The following BIRC6 variants were observed in gnomAD, a reference collection of about 807,000 sequenced individuals.
The protein encoded by BIRC6 is dual E2 ubiquitin-conjugating enzyme/E3 ubiquitin-protein ligase BIRC6.
A neutral mutation model predicts 503.3 loss-of-function variants in BIRC6; 98 were observed. The observed-to-expected ratio is 0.19, with a 90% CI of 0.17 to 0.23. The LOEUF (loss-of-function observed/expected upper bound fraction) is 0.23, where lower values mean the gene tolerates loss of function less well. Ranked by LOEUF, BIRC6 falls within the 10% of genes least tolerant of loss-of-function variation. BIRC6 has a pLI of 1.00. For missense variants in BIRC6, 5,360 were observed against 5,806.0 expected (o/e 0.92, Z 2.50); for synonymous variants, 2,240 against 2,078.7 (o/e 1.08, Z -2.11).
intron 47 of BIRC6, 122 bp from the exon 48 acceptor site, chr2:32,502,673 A>G (rs778829016): frequency 2.7e-5 from 17 of 626,010 alleles, no homozygotes; most frequent in Middle Eastern, 6.5e-4. Context: ...GACATTTTGT[A>G]TTTAGCGTAT....
chr2:32,479,141 C>T (rs2065954253), intron 36 of BIRC6, among the ~76,000 whole-genome samples: 1 of 152,116 alleles, frequency 6.6e-6, no homozygotes, highest in Non-Finnish European at 1.5e-5. Context: ...GCCTCATTTT[C>T]TTCATATATA....
rs375673484 is a variant in BIRC6 at position 32,477,508 on chromosome 2, A to G, written c.6993A>G (p.Val2331=). The change falls in exon 35 of 74, where the codon GTA becomes GTG. Residue 2331 remains valine, a synonymous_variant. Coordinates refer to ENST00000421745, the MANE Select transcript of BIRC6 (RefSeq NM_016252.4). ...TGGCCCATGAGCGTTGTATCTCAGT[A>G]GTCCAGAAACTTGTTCTGTTTCTTC... ...FTLAHERCIS[V]VQKLVLFLLS... The G allele has an allele frequency of 9.3e-6, 15 of 1,613,884 alleles. No homozygotes were observed. The South Asian group carries it at 1.4e-4, about 15-fold the overall frequency.
chr2:32,434,811 GACTGCACC>G (rs1443020043), intron 13 of BIRC6, among the ~76,000 whole-genome samples: 1 of 152,166 alleles, frequency 6.6e-6, no homozygotes, highest in Non-Finnish European at 1.5e-5. Flanking sequence ...AGTGAGCTAT[GACTGCACC>G]ACTGCACTCC....
intron 36 of BIRC6, among the ~76,000 whole-genome samples, chr2:32,479,025 A>G (rs2050082666): frequency 6.6e-6 from 1 of 152,208 alleles, no homozygotes; most frequent in African/African-American, 2.4e-5. Context: ...GATAAATGCA[A>G]GGCTTTAGAA....
chr2:32,501,578 C>T (rs1558904903), intron 46 of BIRC6, 135 bp from the exon 47 acceptor site: 8 of 595,916 alleles, frequency 1.3e-5, no homozygotes, highest in Non-Finnish European at 2.3e-5. Context: ...ACCATGTTGG[C>T]CAGGCTGGTT....
chr2:32,417,513 A>G (rs1435207255), intron 10 of BIRC6, among the ~76,000 whole-genome samples: 3 of 152,170 alleles, frequency 2.0e-5, no homozygotes, highest in African/African-American at 2.4e-5. Context: ...TACTGACAAT[A>G]TCAGGCAAAA....
chr2:32,414,748 G>A (rs750487622), intron 9 of BIRC6, 21 bp from the exon 10 acceptor site: 1 of 1,581,914 alleles, frequency 6.3e-7, no homozygotes, highest in Non-Finnish European at 8.6e-7. Context: ...CATATCTAAT[G>A]AATATTGTTC....
At chr2:32,547,779 C>A in intron 63 of BIRC6, 71 bp from the exon 64 acceptor site, 1 of 1,297,212 alleles carries the variant, frequency 7.7e-7, no homozygotes, top group Non-Finnish European at 1.0e-6. Flanking sequence ...ATTTTACTTT[C>A]CCAGTGATAA....
In BIRC6 at chr2:32,415,304, G is replaced by T; in HGVS notation, c.2013G>T (p.Glu671Asp). 1 of 1,614,046 alleles carries T rather than the reference G, an allele frequency of 6.2e-7. No homozygotes were observed. The highest frequency in any genetic ancestry group is 8.5e-7 in the Non-Finnish European group (1 of 1,179,896). The change falls in exon 10 of 74, where the codon GAG becomes GAT. Residue 671 changes from glutamate (E) to aspartate (D), a missense_variant. This residue lies in a region of BIRC6 where 700 missense variants were observed against 739.3 expected (regional missense o/e 0.95). Coordinates refer to ENST00000421745, the MANE Select transcript of BIRC6 (RefSeq NM_016252.4). ...CTGTTCCACAGATTATTGAAATGGA[G>T]CTGGATAGTCAGGAGCAGTTGTTAT... ...GFTVPQIIEM[E>D]LDSQEQLLLQ...
chr2:32,543,603 A>C (rs563875343), intron 62 of BIRC6, 62 bp downstream of exon 62: 2 of 1,456,632 alleles, frequency 1.4e-6, no homozygotes, highest in African/African-American at 2.8e-5. Context: ...AGGTATCCAG[A>C]TCATTGCCTA....
chr2:32,557,005 G>A (rs971320540), intron 65 of BIRC6, among the ~76,000 whole-genome samples: 1 of 152,062 alleles, frequency 6.6e-6, no homozygotes, highest in Non-Finnish European at 1.5e-5. Flanking sequence ...GTTAACAATG[G>A]TAGTTTTATT....
chr2:32,382,308 A>G lies in BIRC6; in HGVS notation c.645+2018A>G, dbSNP rs547916944. Among the ~76,000 whole-genome samples, 4 of 152,338 alleles carry G rather than the reference A, an allele frequency of 2.6e-5. No homozygotes were observed. The East Asian group carries it at 7.7e-4, about 29-fold the overall frequency. Reference sequence around the variant, plus strand: ...AGAGAGATGCTACTTGACTGATGGTAGTACCTCTGAGGGAACTCTATGAAA... The same window carrying G: ...AGAGAGATGCTACTTGACTGATGGTGGTACCTCTGAGGGAACTCTATGAAA... On this transcript the variant is annotated intron_variant, in intron 3 of 73. Coordinates refer to ENST00000421745, the MANE Select transcript of BIRC6 (RefSeq NM_016252.4).
intron 63 of BIRC6, 149 bp from the exon 64 acceptor site, chr2:32,547,701 G>A (rs2058148800): frequency 3.2e-6 from 2 of 631,168 alleles, no homozygotes; most frequent in East Asian, 2.9e-5. Flanking sequence ...GAATTGCTGG[G>A]TCATACAGAA....
intron 13 of BIRC6, among the ~76,000 whole-genome samples, chr2:32,434,435 A>G (rs972285846): frequency 3.3e-5 from 5 of 152,190 alleles, no homozygotes; most frequent in African/African-American, 9.7e-5. Context: ...GGCACTCTCT[A>G]TCTGTGGGTT....
In BIRC6 at chr2:32,442,413, G is replaced by A. The variant is rs751743671; in HGVS notation, c.4196G>A (p.Ser1399Asn). The change falls in exon 19 of 74, where the codon AGT becomes AAT. Residue 1399 changes from serine (S) to asparagine (N), a missense_variant. Physicochemically the swap from Ser to Asn is conservative, Grantham distance 46. This residue lies in a region of BIRC6 where 2,299 missense variants were observed against 2,267.2 expected (regional missense o/e 1.01). Transcript: ENST00000421745. ...GTTTGCTTCTTTGAGGCAGGACGAA[G>A]TATAGCCCATAAGTGTGCCCGATTT... ...VRVCFFEAGR[S>N]IAHKCARFLA... is the part of the protein sequence containing the mutation. 1.1e-5 allele frequency: 17 copies of A among 1,610,410 alleles called. No individual in the cohort carries two copies. The highest frequency in any genetic ancestry group is 1.4e-5 in the Non-Finnish European group (16 of 1,178,166).
At chr2:32,499,291 G>C (rs1331393045) in intron 45 of BIRC6, among the ~76,000 whole-genome samples, 1 of 152,130 alleles carries the variant, frequency 6.6e-6, no homozygotes, top group Non-Finnish European at 1.5e-5. Context: ...GGATATACTT[G>C]TCCCTTAGTT....
intron 66 of BIRC6, among the ~76,000 whole-genome samples, chr2:32,589,242 T>C (rs920769824): frequency 2.6e-5 from 4 of 152,216 alleles, no homozygotes; most frequent in Non-Finnish European, 4.4e-5. Flanking sequence ...TTAACTTCTC[T>C]TTGAACAGCA....
chr2:32,470,430 T>C, intron 31 of BIRC6, 129 bp downstream of exon 31: 1 of 943,602 alleles, frequency 1.1e-6, no homozygotes, highest in Non-Finnish European at 1.5e-6. Flanking sequence ...ATGTAAGCTT[T>C]TAAGAATGAG....
At chr2:32,594,283 G>T in intron 67 of BIRC6, 1 of 391,424 alleles carries the variant, frequency 2.6e-6, no homozygotes, top group Non-Finnish European at 4.5e-6. Context: ...AAATTTAGTA[G>T]GCTGAGAACA....
Sources: allele counts gnomAD v4.1 joint callset (sites outside exome capture counted in the v4.1 genomes callset), GRCh38; gene constraint gnomAD v4.1.1; regional missense constraint gnomAD v4.1.1; transcripts MANE v1.5; gene names NCBI Gene and HGNC (gene_info 2026-07-23, HGNC 2026-07-21).